The following KCNB2 variants were observed in gnomAD, a reference collection of about 807,000 sequenced individuals.
The protein encoded by KCNB2 is potassium voltage-gated channel subfamily B member 2.
In KCNB2, 15 loss-of-function variants were observed where a neutral mutation model predicts 61.5. The observed-to-expected ratio is 0.24, with a 90% confidence interval of 0.16 to 0.38. The LOEUF is 0.38. KCNB2 is among the 10% of genes least tolerant of loss of function. KCNB2 has a pLI of 1.00. For synonymous variants in KCNB2, 457 were observed against 446.0 expected (o/e 1.02, Z -0.31); for missense variants, 828 against 1,125.2 (o/e 0.74, Z 3.78).
chr8:72,762,195 G>A (rs897489223), intron 2 of KCNB2, among the ~76,000 whole-genome samples: 5 of 152,132 alleles, frequency 3.3e-5, no homozygotes, highest in South Asian at 2.1e-4. Context: ...CACCTGCTTC[G>A]CAGCCAATGT....
chr8:72,910,355 T>C (rs866647280), intron 2 of KCNB2, among the ~76,000 whole-genome samples: 2 of 151,984 alleles, frequency 1.3e-5, no homozygotes, highest in African/African-American at 4.8e-5. Flanking sequence ...GAACCACCAA[T>C]GCATAGAACC....
chr8:72,787,164 G>T (rs147284721), intron 2 of KCNB2, among the ~76,000 whole-genome samples: 2 of 152,174 alleles, frequency 1.3e-5, no homozygotes, highest in East Asian at 3.9e-4. Context: ...ACACTGAGAT[G>T]AAAACCTCAA....
chr8:72,635,415 A>G (rs1182278273), intron 2 of KCNB2, among the ~76,000 whole-genome samples: 1 of 152,194 alleles, frequency 6.6e-6, no homozygotes, highest in Admixed American at 6.5e-5. Context: ...TTATCTTCTC[A>G]GGGATTTGTC....
intron 1 of KCNB2, among the ~76,000 whole-genome samples, chr8:72,552,692 C>A (rs1453486630): frequency 6.6e-6 from 1 of 152,132 alleles, no homozygotes; most frequent in Non-Finnish European, 1.5e-5. Context: ...TAGGTACATC[C>A]TATTGAAGGG....
intron 2 of KCNB2, among the ~76,000 whole-genome samples, chr8:72,929,085 C>T (rs1806717816): frequency 6.6e-6 from 1 of 152,128 alleles, no homozygotes; most frequent in African/African-American, 2.4e-5. Context: ...CCCTCTGAGG[C>T]AGCCGAGGCA....
intron 2 of KCNB2, among the ~76,000 whole-genome samples, chr8:72,726,977 A>C (rs1807661183): frequency 6.6e-6 from 1 of 152,124 alleles, no homozygotes; most frequent in South Asian, 2.1e-4. Flanking sequence ...AACCTCACCT[A>C]ATGAAAATGC....
intron 2 of KCNB2, among the ~76,000 whole-genome samples, chr8:72,850,523 C>G (rs1263228113): frequency 6.6e-6 from 1 of 152,110 alleles, no homozygotes; most frequent in East Asian, 1.9e-4. Flanking sequence ...ACCCAGCCAC[C>G]ATTTACGTTT....
chr8:72,605,146 G>T (rs1805424290), intron 2 of KCNB2, among the ~76,000 whole-genome samples: 1 of 152,344 alleles, frequency 6.6e-6, no homozygotes, highest in East Asian at 1.9e-4. Flanking sequence ...TTAATTAATA[G>T]AAGTACGCTG....
At chr8:72,664,280 G>A (rs1401231272) in intron 2 of KCNB2, among the ~76,000 whole-genome samples, 3 of 152,210 alleles carry the variant, frequency 2.0e-5, no homozygotes, top group Admixed American at 6.5e-5. Flanking sequence ...CAGGGATTAC[G>A]TAAAGGTAAA....
At chr8:72,561,727 A>ATATGTATGTG (rs1189336093) in intron 1 of KCNB2, among the ~76,000 whole-genome samples, 1 of 35,280 alleles carries the variant, frequency 2.8e-5, no homozygotes, top group Non-Finnish European at 6.3e-5. Context: ...ATATATATAT[A>ATATGTATGTG]TCTATATCTA....
At chr8:72,734,778 C>A (rs1231159402) in intron 2 of KCNB2, among the ~76,000 whole-genome samples, 1 of 152,092 alleles carries the variant, frequency 6.6e-6, no homozygotes, top group Non-Finnish European at 1.5e-5. Context: ...GCATGGAGCA[C>A]CTCATAATAA....
intron 2 of KCNB2, among the ~76,000 whole-genome samples, chr8:72,697,246 G>T (rs756549752): frequency 2.6e-5 from 4 of 152,264 alleles, no homozygotes; most frequent in Admixed American, 6.5e-5. Context: ...CAACTCTGGT[G>T]CAGATTGAGA....
At chr8:72,553,982 T>A (rs561373843) in intron 1 of KCNB2, among the ~76,000 whole-genome samples, 1 of 152,256 alleles carries the variant, frequency 6.6e-6, no homozygotes, top group African/African-American at 2.4e-5. Flanking sequence ...CATAAATGCA[T>A]ACTATATTCC....
chr8:72,639,163 G>C (rs1002798941), intron 2 of KCNB2, among the ~76,000 whole-genome samples: 6 of 152,094 alleles, frequency 3.9e-5, no homozygotes, highest in African/African-American at 1.2e-4. Flanking sequence ...ATTGGGAGTA[G>C]GTCCCTGACC....
intron 2 of KCNB2, among the ~76,000 whole-genome samples, chr8:72,816,944 T>A (rs753502804): frequency 1.2e-4 from 18 of 152,136 alleles, no homozygotes; most frequent in Non-Finnish European, 2.1e-4. Context: ...TCTTTCTGTG[T>A]CTGTGGGGAG....
At chr8:72,598,578 A>G (rs897370645) in intron 2 of KCNB2, among the ~76,000 whole-genome samples, 4 of 152,198 alleles carry the variant, frequency 2.6e-5, no homozygotes, top group Non-Finnish European at 5.9e-5. Context: ...CCTATTCAAC[A>G]TAGTGTTGGA....
At chr8:72,639,509 C>G (rs984237836) in intron 2 of KCNB2, among the ~76,000 whole-genome samples, 1 of 152,112 alleles carries the variant, frequency 6.6e-6, no homozygotes, top group African/African-American at 2.4e-5. Context: ...AACAGGGCCT[C>G]CTTAATCTGG....
At chr8:72,923,643 G>A (rs1275952496) in intron 2 of KCNB2, among the ~76,000 whole-genome samples, 2 of 152,002 alleles carry the variant, frequency 1.3e-5, no homozygotes, top group South Asian at 2.1e-4. Flanking sequence ...AATTGGTTGG[G>A]GGGCTTAGAA....
chr8:72,803,882 C>T (rs16938393), intron 2 of KCNB2, among the ~76,000 whole-genome samples: 45,025 of 152,018 alleles, frequency 0.3, 7,058 homozygotes, highest in South Asian at 0.51. Context: ...TAGGCCTGAC[C>T]TTGGGCAATA....
Sources: gnomAD v4.1 joint callset for allele counts (sites outside exome capture counted in the v4.1 genomes callset) on GRCh38, gnomAD v4.1.1 for gene constraint, MANE v1.5 for transcripts, NCBI Gene and HGNC (gene_info 2026-07-23, HGNC 2026-07-21) for gene names.